Variants in CELA2A observed in about 807,000 individuals in gnomAD.
CELA2A encodes chymotrypsin like elastase 2A.
Under a neutral mutation model 35.3 loss-of-function variants are expected in CELA2A, and 31 were observed. The ratio of observed to expected loss-of-function variants is 0.88; its 90% CI spans 0.66 to 1.19. CELA2A has a LOEUF of 1.19. Ranked by LOEUF, CELA2A falls within the 50% of genes most tolerant of loss-of-function variation. The pLI is 0.00. For missense variants in CELA2A, 330 were observed against 352.9 expected, an observed-to-expected ratio of 0.94 and a Z score of 0.52; for synonymous variants, 150 against 149.8, an observed-to-expected ratio of 1.00 and a Z score of -0.01.
chr1:15,460,808 A>T (rs1323565280), intron 2 of CELA2A, among the ~76,000 whole-genome samples: 2 of 151,968 alleles, frequency 1.3e-5, no homozygotes, highest in Admixed American at 6.6e-5. Flanking sequence ...AGTAACCGGG[A>T]CTATAGGCAT....
chr1:15,464,340 C>A (rs1014387802), intron 5 of CELA2A, among the ~76,000 whole-genome samples: 1 of 152,110 alleles, frequency 6.6e-6, no homozygotes, highest in African/African-American at 2.4e-5. Context: ...CTGCTCAGAA[C>A]CTGAATGAGG....
At chr1:15,470,024 A>G (rs994698980) in intron 7 of CELA2A, among the ~76,000 whole-genome samples, 1 of 152,218 alleles carries the variant, frequency 6.6e-6, no homozygotes, top group Non-Finnish European at 1.5e-5. Context: ...AAGCATGGCC[A>G]GATGGCAGCA....
intron 3 of CELA2A, 21 bp from the exon 4 acceptor site, chr1:15,462,712 C>T: frequency 6.2e-7 from 1 of 1,613,626 alleles, no homozygotes; most frequent in Non-Finnish European, 8.5e-7. Flanking sequence ...TGACCCTCTC[C>T]CTGGGCCCCC....
At chr1:15,461,443 A>C (rs1307117516) in intron 2 of CELA2A, 118 bp from the exon 3 acceptor site, 1 of 1,011,934 alleles carries the variant, frequency 9.9e-7, no homozygotes, top group Non-Finnish European at 1.5e-6. Flanking sequence ...AGTTGTGCAC[A>C]TGAGGCGACT....
chr1:15,466,374 C>CA (rs1452455981), intron 6 of CELA2A, among the ~76,000 whole-genome samples: 1 of 152,028 alleles, frequency 6.6e-6, no homozygotes, highest in African/African-American at 2.4e-5. Flanking sequence ...CCAGCCTGGC[C>CA]AACATGGTGA....
Position 15,466,030 on chromosome 1 carries a change from G to A in CELA2A, c.525G>A (p.Gln175=). The A allele has an allele frequency of 1.9e-6, 3 of 1,614,182 alleles. No homozygotes were observed. Among genetic ancestry groups the A allele is most frequent in the Non-Finnish European group, 2.5e-6 (3 of 1,180,044 alleles). ...TNGAVPDVLQ[Q]GRLLVVDYAT... ...GGGCTGTTCCTGATGTCCTGCAGCA[G>A]GGCCGGTTGCTGGTTGTGGACTATG... The change falls in exon 6 of 8, where the codon CAG becomes CAA. Residue 175 remains glutamine, a synonymous_variant. Coordinates refer to ENST00000359621, the MANE Select transcript of CELA2A (RefSeq NM_033440.3).
intron 2 of CELA2A, 139 bp downstream of exon 2, chr1:15,457,313 C>A: frequency 3.8e-6 from 3 of 795,466 alleles, no homozygotes; most frequent in South Asian, 1.6e-5. Flanking sequence ...GCAACTTTAG[C>A]AATAAGATAT....
At chr1:15,462,165 C>G (rs1455277379) in intron 3 of CELA2A, 2 of 470,224 alleles carry the variant, frequency 4.3e-6, no homozygotes, top group African/African-American at 4.0e-5. Flanking sequence ...TCTTCTTTGT[C>G]CGTGACCTCT....
chr1:15,458,828 G>A (rs1432617166), intron 2 of CELA2A, among the ~76,000 whole-genome samples: 28 of 146,352 alleles, frequency 1.9e-4, no homozygotes, highest in African/African-American at 5.7e-4. Context: ...CACAAGAATC[G>A]CTTGAACCTG....
intron 3 of CELA2A, 115 bp downstream of exon 3, chr1:15,461,773 T>G (rs966924758): frequency 2.1e-5 from 26 of 1,209,452 alleles, no homozygotes; most frequent in African/African-American, 3.0e-5. Context: ...ATAACCACTA[T>G]ACTGGCTGAG....
intron 5 of CELA2A, among the ~76,000 whole-genome samples, chr1:15,463,822 G>A (rs1283142871): frequency 3.9e-5 from 6 of 151,956 alleles, no homozygotes; most frequent in Non-Finnish European, 5.9e-5. Flanking sequence ...GGCCCATCCC[G>A]CGGATCACTT....
At position 15,461,554 on chromosome 1, in the gene CELA2A, T is replaced by C. The variant is rs1708433938; in HGVS notation, c.130-7T>C. ...CCTAGCCACAGAGCTCCTTTGCTTCTCCCCAGGTCTCCCTGCAGTACAGCT... is the reference window on the plus strand; with the variant it reads ...CCTAGCCACAGAGCTCCTTTGCTTCCCCCCAGGTCTCCCTGCAGTACAGCT... On this transcript the variant is annotated splice_region_variant and splice_polypyrimidine_tract_variant and intron_variant, in intron 2 of 7. Coordinates refer to ENST00000359621, the MANE Select transcript of CELA2A (RefSeq NM_033440.3). 5.0e-6 allele frequency: 8 copies of C among 1,612,012 alleles called. No individual in the cohort carries two copies. Among genetic ancestry groups the C allele is most frequent in the Non-Finnish European group, 6.8e-6 (8 of 1,179,866 alleles).
rs754105013 is a variant in CELA2A at position 15,457,095 on chromosome 1, G to T, written c.50G>T (p.Cys17Phe). Residue 17 changes from cysteine to phenylalanine, a missense_variant, in exon 2 of 8, where the codon TGT becomes TTT. Transcript: ENST00000359621. ...LSTLVAGALSCGDPTYPPYVT... is the reference protein window; with the variant it reads ...LSTLVAGALSFGDPTYPPYVT... ...CTTTCTCTTTTCACAGCCCTCAGTT[G>T]TGGGGACCCCACTTACCCACCTTAT... is the stretch of plus-strand genomic sequence containing the variant. 6.2e-7 allele frequency: 1 copy of T among 1,614,104 alleles called. No homozygotes were observed. Among genetic ancestry groups the T allele is most frequent in the Non-Finnish European group, 8.5e-7 (1 of 1,180,002 alleles).
rs552066572 is a variant in CELA2A, at chr1:15,462,970, G to A, written c.356+109G>A. 2.0e-6 allele frequency: 3 copies of A among 1,480,496 alleles called. No individual in the cohort carries two copies. The East Asian group carries it at 6.8e-5, about 34-fold the overall frequency. 91.7% of individuals were successfully genotyped at this position (1,480,496 alleles called of 1,614,324 possible). ...CCACACCCCCTCTGCTTCTTCTACA[G>A]GGAGGGGGAAGGAGCTCTGGCCTCT... is the stretch of plus-strand genomic sequence containing the variant. On this transcript the variant is annotated intron_variant, in intron 4 of 7. Coordinates refer to ENST00000359621, the MANE Select transcript of CELA2A (RefSeq NM_033440.3).
intron 6 of CELA2A, among the ~76,000 whole-genome samples, chr1:15,466,664 C>A (rs1295629441): frequency 6.6e-6 from 1 of 152,118 alleles, no homozygotes; most frequent in Non-Finnish European, 1.5e-5. Flanking sequence ...GAAGTCCTTC[C>A]CTGGGTCTCA....
intron 6 of CELA2A, among the ~76,000 whole-genome samples, chr1:15,466,514 A>C (rs71631732): frequency 6.6e-6 from 1 of 152,008 alleles, no homozygotes; most frequent in Non-Finnish European, 1.5e-5. Context: ...GTGAGCTGAG[A>C]TCACACCGCT....
At chr1:15,463,889 TAA>T (rs555114414) in intron 5 of CELA2A, among the ~76,000 whole-genome samples, 8 of 142,432 alleles carry the variant, frequency 5.6e-5, no homozygotes, top group African/African-American at 1.8e-4. Flanking sequence ...CTAAAAATAT[TAA>T]AAAAAAAAAA....
At chr1:15,459,244 C>A (rs1708400256) in intron 2 of CELA2A, among the ~76,000 whole-genome samples, 1 of 151,766 alleles carries the variant, frequency 6.6e-6, no homozygotes, top group African/African-American at 2.4e-5. Flanking sequence ...CTCACAGCGG[C>A]CTCGAACTCC....
intron 7 of CELA2A, among the ~76,000 whole-genome samples, chr1:15,469,042 G>T (rs917760501): frequency 6.6e-6 from 1 of 152,208 alleles, no homozygotes. Context: ...GGTGGGTGTG[G>T]TGATACGTGC....
Sources: gnomAD v4.1 joint callset for allele counts (sites outside exome capture counted in the v4.1 genomes callset) on GRCh38, gnomAD v4.1.1 for gene constraint, MANE v1.5 for transcripts, NCBI Gene and HGNC (gene_info 2026-07-23, HGNC 2026-07-21) for gene names.